Variants in SEL1L2 observed in about 807,000 individuals in gnomAD.
SEL1L2 encodes SEL1L2 adaptor subunit of SYVN1 ubiquitin ligase.
In SEL1L2, 89 loss-of-function variants were observed where a neutral mutation model predicts 98.8. The ratio of observed to expected loss-of-function variants is 0.90; its 90% CI spans 0.76 to 1.07. The LOEUF (loss-of-function observed/expected upper bound fraction) is 1.07, where lower values mean the gene tolerates loss of function less well. Ranked by LOEUF, SEL1L2 falls within the 50% of genes least tolerant of loss-of-function variation. SEL1L2 has a pLI of 0.00. For missense variants in SEL1L2, 788 were observed against 812.0 expected, an observed-to-expected ratio of 0.97 and a Z score of 0.36; for synonymous variants, 262 against 278.5, an observed-to-expected ratio of 0.94 and a Z score of 0.59.
chr20:13,937,756 T>C (rs2049527284), intron 2 of SEL1L2, among the ~76,000 whole-genome samples: 1 of 152,204 alleles, frequency 6.6e-6, no homozygotes, highest in Admixed American at 6.5e-5. Flanking sequence ...ATATTTCTCA[T>C]GTAAAATAGG....
At chr20:13,857,905 G>A (rs192065451) in intron 18 of SEL1L2, among the ~76,000 whole-genome samples, 1 of 152,248 alleles carries the variant, frequency 6.6e-6, no homozygotes, top group African/African-American at 2.4e-5. Context: ...CTGTTTTACT[G>A]AGGTGGATAA....
intron 1 of SEL1L2, among the ~76,000 whole-genome samples, chr20:13,988,875 G>T (rs530873972): frequency 6.6e-5 from 10 of 152,062 alleles, no homozygotes; most frequent in Admixed American, 2.6e-4. Flanking sequence ...TTAGCCAGGC[G>T]TGGTGGCAGA....
At chr20:13,983,023 CAAA>C (rs57993052) in intron 1 of SEL1L2, among the ~76,000 whole-genome samples, 698 of 15,462 alleles carry the variant, frequency 0.045, 2 homozygotes, top group Non-Finnish European at 0.082. Context: ...GACTCCATCT[CAAA>C]AAAAAAAAAA....
At chr20:13,876,402 CTCTCTTTTTT>C (rs2046429649) in intron 11 of SEL1L2, among the ~76,000 whole-genome samples, 1 of 124,610 alleles carries the variant, frequency 8.0e-6, no homozygotes, top group African/African-American at 3.1e-5. Context: ...CTCTCTCTCT[CTCTCTTTTTT>C]TTTTTTTTTT....
At chr20:13,976,875 G>A (rs1326165757) in intron 1 of SEL1L2, among the ~76,000 whole-genome samples, 1 of 152,262 alleles carries the variant, frequency 6.6e-6, no homozygotes, top group Non-Finnish European at 1.5e-5. Flanking sequence ...AAATATAAAC[G>A]ATTAGGAGAT....
At chr20:13,923,076 C>T (rs1401053639) in intron 3 of SEL1L2, among the ~76,000 whole-genome samples, 1 of 152,164 alleles carries the variant, frequency 6.6e-6, no homozygotes, top group African/African-American at 2.4e-5. Flanking sequence ...TAATCAACAG[C>T]ACTTTTATTT....
At chr20:13,985,598 G>T (rs1601052162) in intron 1 of SEL1L2, among the ~76,000 whole-genome samples, 1 of 152,074 alleles carries the variant, frequency 6.6e-6, no homozygotes, top group East Asian at 1.9e-4. Flanking sequence ...TCCTCTTCGA[G>T]ACTCTAAGCT....
chr20:13,854,862 G>C (rs1023283984), intron 18 of SEL1L2, among the ~76,000 whole-genome samples: 1 of 152,016 alleles, frequency 6.6e-6, no homozygotes. Flanking sequence ...GACCATCCTG[G>C]CCAACATGGT....
intron 1 of SEL1L2, among the ~76,000 whole-genome samples, chr20:13,983,047 A>AAAAAAAAC (rs1569086282): frequency 2.1e-5 from 3 of 144,198 alleles, no homozygotes; most frequent in Non-Finnish European, 3.0e-5. Context: ...AAAAAAAAAA[A>AAAAAAAAC]AGCAGCAGCC....
chr20:13,896,931 A>G (rs2047452252), intron 5 of SEL1L2, among the ~76,000 whole-genome samples: 1 of 152,236 alleles, frequency 6.6e-6, no homozygotes, highest in African/African-American at 2.4e-5. Flanking sequence ...CGGAATTGCA[A>G]AAGAACCATG....
chr20:13,914,459 C>T (rs1277131117), intron 4 of SEL1L2, among the ~76,000 whole-genome samples: 2 of 152,144 alleles, frequency 1.3e-5, no homozygotes, highest in Non-Finnish European at 2.9e-5. Context: ...TATTCTTCAA[C>T]ACAGCAAAGT....
intron 5 of SEL1L2, among the ~76,000 whole-genome samples, chr20:13,900,243 A>G (rs1467778035): frequency 6.6e-6 from 1 of 152,160 alleles, no homozygotes; most frequent in East Asian, 1.9e-4. Flanking sequence ...AAATGTCTTT[A>G]TTTCATCTAG....
In SEL1L2 at chr20:13,990,540, C is replaced by T; in HGVS notation, c.-6G>A. The T allele has an allele frequency of 6.2e-7, 1 of 1,608,996 alleles. No individual in the cohort carries two copies. The highest frequency in any genetic ancestry group is 8.5e-7 in the Non-Finnish European group (1 of 1,176,156). ...AACAGAGACAAGGGCTTCATCTTCT[C>T]TTAAGCAGCTTCTCTTCACTGTAAC... is the stretch of plus-strand genomic sequence containing the variant. On this transcript the variant is annotated 5_prime_UTR_variant, in exon 1 of 20. Coordinates refer to ENST00000284951, the MANE Select transcript of SEL1L2 (RefSeq NM_025229.2).
At chr20:13,849,994 C>T in intron 19 of SEL1L2, 197 bp downstream of exon 19, 1 of 603,196 alleles carries the variant, frequency 1.7e-6, no homozygotes. Context: ...GAATTAATTG[C>T]TTATACTCTG....
At chr20:13,952,245 G>T (rs551165399) in intron 2 of SEL1L2, among the ~76,000 whole-genome samples, 2 of 152,166 alleles carry the variant, frequency 1.3e-5, no homozygotes, top group South Asian at 4.2e-4. Flanking sequence ...CAAGCTTCAG[G>T]TCAAAGCCCT....
At chr20:13,873,734 C>T (rs2046308133) in intron 12 of SEL1L2, among the ~76,000 whole-genome samples, 1 of 152,200 alleles carries the variant, frequency 6.6e-6, no homozygotes, top group Non-Finnish European at 1.5e-5. Context: ...TATACACCTG[C>T]TGTTTCAGGG....
chr20:13,891,663 C>CAAA (rs61545047), intron 5 of SEL1L2, among the ~76,000 whole-genome samples: 3,993 of 74,062 alleles, frequency 0.054, 89 homozygotes, highest in African/African-American at 0.081. Context: ...AAGACTCCAT[C>CAAA]AAAAAAAAAA....
At chr20:13,970,374 G>A (rs1472359154) in intron 1 of SEL1L2, among the ~76,000 whole-genome samples, 1 of 152,172 alleles carries the variant, frequency 6.6e-6, no homozygotes, top group Non-Finnish European at 1.5e-5. Context: ...CCTTGAACAT[G>A]TTTCCTATAA....
intron 2 of SEL1L2, among the ~76,000 whole-genome samples, chr20:13,934,340 T>G (rs2049299033): frequency 8.5e-6 from 1 of 118,126 alleles, no homozygotes; most frequent in African/African-American, 3.2e-5. Context: ...TATATATATA[T>G]TCCATATATA....
Sources: allele counts gnomAD v4.1 joint callset (sites outside exome capture counted in the v4.1 genomes callset), GRCh38; gene constraint gnomAD v4.1.1; transcripts MANE v1.5; gene names NCBI Gene and HGNC (gene_info 2026-07-23, HGNC 2026-07-21).